The following MGA variants were observed in gnomAD, a reference collection of about 807,000 sequenced individuals.
The protein encoded by MGA is MAX dimerization protein MGA.
MGA carries 40 observed loss-of-function variants against 261.1 expected under a neutral mutation model. The ratio of observed to expected loss-of-function variants is 0.15; its 90% confidence interval spans 0.12 to 0.20. The LOEUF (loss-of-function observed/expected upper bound fraction) is 0.20, where lower values mean the gene tolerates loss of function less well. MGA is among the 10% of genes least tolerant of loss of function. The probability of loss-of-function intolerance (pLI) is 1.00; values close to 1 mark genes in which losing one functional copy is unlikely to be tolerated. For missense variants in MGA, 3,397 were observed against 3,630.5 expected (o/e 0.94, Z 1.65); for synonymous variants, 1,302 against 1,290.6 (o/e 1.01, Z -0.19).
At chr15:41,678,213 C>G (rs1045675809) in intron 2 of MGA, among the ~76,000 whole-genome samples, 9 of 151,496 alleles carry the variant, frequency 5.9e-5, no homozygotes, top group Non-Finnish European at 8.8e-5. Context: ...GCCTCAGCCT[C>G]CTGAGTAGCT....
chr15:41,659,650 ACTTT>A (rs1205494309), upstream of MGA, among the ~76,000 whole-genome samples: 1 of 152,260 alleles, frequency 6.6e-6, no homozygotes, highest in African/African-American at 2.4e-5. Context: ...ATTCACTAAT[ACTTT>A]CTTTGCACCT....
At chr15:41,757,017 G>A (rs2063189950) in intron 18 of MGA, among the ~76,000 whole-genome samples, 1 of 151,876 alleles carries the variant, frequency 6.6e-6, no homozygotes, top group African/African-American at 2.4e-5. Context: ...ACTTACAAAA[G>A]TGTGCATGGT....
intron 18 of MGA, among the ~76,000 whole-genome samples, chr15:41,757,495 A>G (rs1427632006): frequency 6.6e-6 from 1 of 152,200 alleles, no homozygotes; most frequent in African/African-American, 2.4e-5. Context: ...ATTCAAAGAT[A>G]CTGCTGGAAG....
intron 13 of MGA, among the ~76,000 whole-genome samples, chr15:41,738,575 T>TA (rs2061918889): frequency 6.6e-6 from 1 of 152,188 alleles, no homozygotes; most frequent in Non-Finnish European, 1.5e-5. Flanking sequence ...GTTTGCCTGA[T>TA]ACAATTTCTA....
chr15:41,676,332 G>A (rs1048761037), intron 2 of MGA, among the ~76,000 whole-genome samples: 3 of 152,090 alleles, frequency 2.0e-5, no homozygotes, highest in African/African-American at 7.2e-5. Flanking sequence ...TCAGGCACCC[G>A]CCACCAAACC....
chr15:41,637,959 C>T (rs1320532178), intron 1 of MGA, among the ~76,000 whole-genome samples: 1 of 147,218 alleles, frequency 6.8e-6, no homozygotes, highest in African/African-American at 2.5e-5. Context: ...AGGCTGGTCT[C>T]GAACTCAGGT....
chr15:41,754,624 A>G, intron 18 of MGA, 57 bp downstream of exon 18: 2 of 1,481,958 alleles, frequency 1.3e-6, no homozygotes. Context: ...CAGAAACAAA[A>G]TGAGATGTTC....
At chr15:41,633,917 T>G (rs1380294132) in intron 1 of MGA, among the ~76,000 whole-genome samples, 1 of 152,128 alleles carries the variant, frequency 6.6e-6, no homozygotes, top group Non-Finnish European at 1.5e-5. Context: ...TCTCTGACCT[T>G]ATCTCTTAAC....
chr15:41,738,388 C>T (rs899969539), intron 13 of MGA, among the ~76,000 whole-genome samples: 1 of 152,136 alleles, frequency 6.6e-6, no homozygotes, highest in Non-Finnish European at 1.5e-5. Flanking sequence ...GAGTGAGACT[C>T]CATCTCAAAA....
At chr15:41,694,880 G>T (rs1183073851) in intron 2 of MGA, among the ~76,000 whole-genome samples, 1 of 152,014 alleles carries the variant, frequency 6.6e-6, no homozygotes, top group Non-Finnish European at 1.5e-5. Context: ...AAGCAGTCCT[G>T]GCACCTCAGT....
At chr15:41,714,008 T>C (rs1217012196) in intron 9 of MGA, among the ~76,000 whole-genome samples, 1 of 152,170 alleles carries the variant, frequency 6.6e-6, no homozygotes, top group Non-Finnish European at 1.5e-5. Flanking sequence ...GGATAAAATA[T>C]GATGTAGATG....
In MGA at chr15:41,698,857, G is replaced by GTTT; in HGVS notation, c.2014-5_2014-4insTTT. On this transcript the variant is annotated splice_polypyrimidine_tract_variant and splice_region_variant and intron_variant, in intron 3 of 23. Transcript: ENST00000219905. ...ACTACTATTTTTTTTTTTTTTTGAT[G>GTTT]TATAGGAAGCTCTAGACATTCATGC... 6.8e-7 allele frequency: 1 copy of GTTT among 1,465,602 alleles called. No homozygotes were observed. The highest frequency in any genetic ancestry group is 9.1e-7 in the Non-Finnish European group (1 of 1,099,162). 90.8% of individuals were successfully genotyped at this position (1,465,602 alleles called of 1,614,324 possible).
chr15:41,691,051 G>A (rs1451528851), intron 2 of MGA, among the ~76,000 whole-genome samples: 4 of 129,798 alleles, frequency 3.1e-5, no homozygotes, highest in African/African-American at 1.1e-4. Flanking sequence ...TTTAGGGTCA[G>A]TTTGTCCCTT....
At chr15:41,677,169 T>G (rs1479810557) in intron 2 of MGA, among the ~76,000 whole-genome samples, 2 of 152,216 alleles carry the variant, frequency 1.3e-5, no homozygotes, top group African/African-American at 4.8e-5. Context: ...AGATTGAGTC[T>G]CGCTCTGTCG....
chr15:41,749,154 T>C lies in MGA; in HGVS notation c.5547T>C (p.Ser1849=). 1 of 1,614,040 alleles carries C rather than the reference T, an allele frequency of 6.2e-7. No homozygotes were observed. Among genetic ancestry groups the C allele is most frequent in the South Asian group, 1.1e-5 (1 of 91,084 alleles). ...GGTTACCTGCTCCTTCCAAACCCTC[T>C]GAGACTCCGCCATCTTCCACTTCGT... The change falls in exon 17 of 24, where the codon TCT becomes TCC. Residue 1849 remains serine, a synonymous_variant. Coordinates refer to ENST00000219905, the MANE Select transcript of MGA (RefSeq NM_001164273.2).
intron 1 of MGA, among the ~76,000 whole-genome samples, chr15:41,629,722 C>A (rs1198869686): frequency 1.3e-5 from 2 of 152,106 alleles, no homozygotes; most frequent in Non-Finnish European, 2.9e-5. Flanking sequence ...AATGGAGATC[C>A]TGTCTCAAAA....
chr15:41,631,699 G>A (rs570980486), intron 1 of MGA, among the ~76,000 whole-genome samples: 1 of 152,082 alleles, frequency 6.6e-6, no homozygotes, highest in East Asian at 1.9e-4. Flanking sequence ...TTTTGTGTGT[G>A]TATATGAATC....
In MGA at chr15:41,748,697, C is replaced by A. The variant is rs745372215; in HGVS notation, c.5273C>A (p.Ala1758Asp). The A allele has an allele frequency of 6.2e-7, 1 of 1,613,826 alleles. No individual in the cohort carries two copies. Reference sequence around the variant, plus strand: ...GTCTCTCCTAACACAGTGAAACGTGCTGGACCTCGATTGTTGTTGATTCCA... The same window carrying A: ...GTCTCTCCTAACACAGTGAAACGTGATGGACCTCGATTGTTGTTGATTCCA... The change falls in exon 16 of 24, where the codon GCT becomes GAT. Residue 1758 changes from alanine (A) to aspartate (D), a missense_variant. Coordinates refer to ENST00000219905, the MANE Select transcript of MGA (RefSeq NM_001164273.2).
intron 11 of MGA, 132 bp from the exon 12 acceptor site, chr15:41,734,390 A>G: frequency 1.4e-6 from 1 of 730,408 alleles, no homozygotes; most frequent in Non-Finnish European, 2.3e-6. Context: ...GTGCATGTGG[A>G]TTGAAGCTGT....
Sources: gnomAD v4.1 joint callset for allele counts (sites outside exome capture counted in the v4.1 genomes callset) on GRCh38, gnomAD v4.1.1 for gene constraint, MANE v1.5 for transcripts, NCBI Gene and HGNC (gene_info 2026-07-23, HGNC 2026-07-21) for gene names.